Variants in BBS9 observed in about 807,000 individuals in gnomAD.
BBS9 encodes the protein protein PTHB1.
Under a neutral mutation model 117.7 loss-of-function variants are expected in BBS9, and 89 were observed. That is an observed-to-expected ratio of 0.76 (90% CI 0.64 to 0.90). The LOEUF (loss-of-function observed/expected upper bound fraction) is 0.90. BBS9 is among the 40% of genes least tolerant of loss of function. The pLI, the probability that BBS9 is intolerant of heterozygous loss-of-function variation, is 0.00. For missense variants in BBS9, 982 were observed against 1,042.2 expected (o/e 0.94, Z 0.80); for synonymous variants, 379 against 370.9 (o/e 1.02, Z -0.25).
chr7:33,581,093 T>TGAGA (rs1163091835), intron 21 of BBS9, among the ~76,000 whole-genome samples: 17 of 141,648 alleles, frequency 1.2e-4, no homozygotes, highest in African/African-American at 4.8e-4. Context: ...TGTGTGTGTG[T>TGAGA]GTGAGAGAGA....
At chr7:33,635,389 A>G (rs1562549638) in exon 22 of BBS9, among the ~76,000 whole-genome samples, 2 of 152,114 alleles carry the variant, frequency 1.3e-5, no homozygotes, top group African/African-American at 4.8e-5. Context: ...TGTTGTGTGG[A>G]GAAAGAGGAG....
chr7:33,458,846 A>G (rs866808613), intron 19 of BBS9, among the ~76,000 whole-genome samples: 2 of 152,278 alleles, frequency 1.3e-5, no homozygotes, highest in Middle Eastern at 3.4e-3. Context: ...TTAGTAGCAG[A>G]AAAGATGGGA....
intron 9 of BBS9, among the ~76,000 whole-genome samples, chr7:33,329,878 T>A (rs1813644670): frequency 6.6e-6 from 1 of 152,240 alleles, no homozygotes; most frequent in Non-Finnish European, 1.5e-5. Context: ...TGAAAATTTT[T>A]CCATTTATTT....
At chr7:33,414,719 A>G (rs1182017199) in intron 19 of BBS9, among the ~76,000 whole-genome samples, 13 of 152,180 alleles carry the variant, frequency 8.5e-5, no homozygotes, top group African/African-American at 2.7e-4. Context: ...TGACCACTTT[A>G]TTACTATGAA....
chr7:33,241,230 G>A (rs1794470761), intron 5 of BBS9, among the ~76,000 whole-genome samples: 1 of 152,082 alleles, frequency 6.6e-6, no homozygotes. Context: ...GCAAGGAGAA[G>A]ACTAGGTAGG....
chr7:33,407,794 A>C (rs970748570), intron 19 of BBS9, among the ~76,000 whole-genome samples: 8 of 152,130 alleles, frequency 5.3e-5, no homozygotes, highest in African/African-American at 1.9e-4. Context: ...TTCCTCTGGA[A>C]GTTTTGTCTC....
At chr7:33,563,851 C>T (rs577582024) in intron 21 of BBS9, among the ~76,000 whole-genome samples, 6 of 152,254 alleles carry the variant, frequency 3.9e-5, no homozygotes, top group East Asian at 3.9e-4. Context: ...ATGCGAAGTG[C>T]GAGCTTCTTT....
At chr7:33,381,006 G>A (rs1231386112) in intron 17 of BBS9, 2 of 152,102 alleles carry the variant, frequency 1.3e-5, no homozygotes, top group Admixed American at 6.5e-5. Flanking sequence ...CTTTCACACC[G>A]AGTTCTGCAA....
At chr7:33,345,638 G>C in intron 12 of BBS9, among the ~76,000 whole-genome samples, 1 of 152,130 alleles carries the variant, frequency 6.6e-6, no homozygotes, top group East Asian at 1.9e-4. Flanking sequence ...CTTTCCCCCA[G>C]TCCAATCAAA....
chr7:33,283,994 G>A (rs1445032518), intron 9 of BBS9, among the ~76,000 whole-genome samples: 5 of 152,102 alleles, frequency 3.3e-5, no homozygotes, highest in Admixed American at 6.5e-5. Context: ...AGTGGCTGCC[G>A]CTTGTCTTTC....
intron 21 of BBS9, among the ~76,000 whole-genome samples, chr7:33,574,579 A>G (rs1262477053): frequency 1.3e-5 from 2 of 151,878 alleles, no homozygotes; most frequent in Non-Finnish European, 2.9e-5. Context: ...TTCCCCTGCC[A>G]TATTTGGTAC....
intron 19 of BBS9, among the ~76,000 whole-genome samples, chr7:33,405,681 G>A (rs936297081): frequency 3.9e-5 from 6 of 152,058 alleles, no homozygotes; most frequent in East Asian, 3.9e-4. Context: ...CTGTGGGATC[G>A]GTGGTGGTAT....
In BBS9 at chr7:33,417,799, T is replaced by C. The variant is rs570694587; in HGVS notation, c.2115+29655T>C. 5.3e-5 allele frequency among the ~76,000 whole-genome samples: 8 copies of C among 152,302 alleles called. No individual in the cohort carries two copies. In the East Asian group the frequency reaches 1.5e-3, roughly 29 times the overall value. On this transcript the variant is annotated intron_variant, in intron 19 of 22. Coordinates refer to ENST00000242067, the MANE Select transcript of BBS9 (RefSeq NM_198428.3). The stretch of plus-strand genomic sequence containing the variant: ...CCAGTCTTCCATTCAGCCAAGTTCA[T>C]TGGGAACCTCACCAAAAGATTAAAG...
intron 9 of BBS9, among the ~76,000 whole-genome samples, chr7:33,285,808 T>A (rs982813593): frequency 1.3e-5 from 2 of 152,112 alleles, no homozygotes; most frequent in Admixed American, 1.3e-4. Flanking sequence ...TAAAAAGCCA[T>A]ATCTTTATTT....
chr7:33,265,370 T>C (rs1363169932), intron 7 of BBS9, among the ~76,000 whole-genome samples: 1 of 152,106 alleles, frequency 6.6e-6, no homozygotes, highest in Non-Finnish European at 1.5e-5. Context: ...GCACAATGAA[T>C]AAAAATATGA....
intron 21 of BBS9, among the ~76,000 whole-genome samples, chr7:33,569,989 T>C (rs80066642): frequency 0.024 from 3,595 of 152,290 alleles, 49 homozygotes; most frequent in East Asian, 0.046. Flanking sequence ...ATGTAGGTAA[T>C]ACATGCTTAT....
At chr7:33,218,843 C>G (rs1021525791) in intron 5 of BBS9, among the ~76,000 whole-genome samples, 14 of 152,288 alleles carry the variant, frequency 9.2e-5, no homozygotes, top group Non-Finnish European at 5.9e-5. Flanking sequence ...TCGCTCTCGG[C>G]ACCTCCTCTG....
At chr7:33,362,993 G>A (rs906358509) in intron 16 of BBS9, among the ~76,000 whole-genome samples, 5 of 152,036 alleles carry the variant, frequency 3.3e-5, no homozygotes, top group Non-Finnish European at 7.4e-5. Context: ...AGTTTTTCAT[G>A]TACAGGTTTT....
intron 20 of BBS9, among the ~76,000 whole-genome samples, chr7:33,526,636 G>A (rs1360716554): frequency 6.8e-6 from 1 of 147,532 alleles, no homozygotes; most frequent in Non-Finnish European, 1.5e-5. Flanking sequence ...GGTTATTCTA[G>A]TTATACATTC....
Sources: allele counts gnomAD v4.1 joint callset (sites outside exome capture counted in the v4.1 genomes callset), GRCh38; gene constraint gnomAD v4.1.1; transcripts MANE v1.5; gene names NCBI Gene and HGNC (gene_info 2026-07-23, HGNC 2026-07-21).